NRXN3: variants seen among roughly 807,000 people sequenced by gnomAD.
NRXN3 encodes neurexin 3, also known as neurexin III.
In NRXN3, 32 loss-of-function variants were observed where a neutral mutation model predicts 137.6. The ratio of observed to expected loss-of-function variants is 0.23; its 90% CI spans 0.18 to 0.31. NRXN3 has a LOEUF of 0.31. Among genes scored for constraint, NRXN3 ranks in the 10% least tolerant of loss-of-function variants. The pLI, the probability that NRXN3 is intolerant of heterozygous loss-of-function variation, is 1.00. For synonymous variants in NRXN3, 798 were observed against 784.5 expected (o/e 1.02, Z -0.29); for missense variants, 1,574 against 2,062.5 (o/e 0.76, Z 4.59).
intron 4 of NRXN3, among the ~76,000 whole-genome samples, chr14:78,405,712 C>T (rs1446155310): frequency 6.6e-6 from 1 of 152,062 alleles, no homozygotes. Flanking sequence ...CTTGCTGGGT[C>T]GACCTGGCTC....
chr14:79,360,316 A>G (rs2093638640), intron 15 of NRXN3, among the ~76,000 whole-genome samples: 2 of 152,202 alleles, frequency 1.3e-5, no homozygotes, highest in Admixed American at 6.5e-5. Flanking sequence ...GAGAGTTAGT[A>G]GTGGTCTTGA....
At chr14:78,282,309 A>G in intron 3 of NRXN3, 1 of 390,180 alleles carries the variant, frequency 2.6e-6, no homozygotes, top group East Asian at 7.4e-5. Flanking sequence ...GGAAGAGGGA[A>G]GAGTAGTGGG....
chr14:78,645,572 T>C (rs1380383569), intron 5 of NRXN3, 151 bp downstream of exon 5: 1 of 576,368 alleles, frequency 1.7e-6, no homozygotes, highest in Admixed American at 3.5e-5. Flanking sequence ...CTTTGCAATT[T>C]CACGTGGAAA....
Position 79,555,659 on chromosome 14 carries a change from G to A in NRXN3, c.3444+88257G>A, listed in dbSNP as rs565625774. 1.1e-4 allele frequency among the ~76,000 whole-genome samples: 16 copies of A among 152,278 alleles called. 2 individuals are homozygous for A. The East Asian group carries it at 3.1e-3, about 29-fold the overall frequency. ...TGAGCTGGGTGGTGAAGGATGTGTA[G>A]GAGTTTGTCAGATAAGGAGATGAAA... On this transcript the variant is annotated intron_variant, in intron 16 of 20. Transcript: ENST00000335750.
chr14:78,655,158 A>G (rs917041629), intron 6 of NRXN3, among the ~76,000 whole-genome samples: 3 of 152,186 alleles, frequency 2.0e-5, no homozygotes, highest in Admixed American at 2.0e-4. Flanking sequence ...TGGCTATATA[A>G]TAAGACCACT....
At chr14:79,668,919 A>G (rs2098588457) in intron 17 of NRXN3, among the ~76,000 whole-genome samples, 1 of 152,086 alleles carries the variant, frequency 6.6e-6, no homozygotes, top group Non-Finnish European at 1.5e-5. Context: ...ATACATCGGT[A>G]TAAGAAAGAT....
chr14:78,968,051 C>A (rs1173207291), intron 13 of NRXN3, 122 bp from the exon 14 acceptor site: 11 of 8,638 alleles, frequency 1.3e-3, no homozygotes, highest in Non-Finnish European at 2.6e-3. Flanking sequence ...TATGCTGTCC[C>A]CCCCCCCCCC....
chr14:78,627,216 T>G (rs1442670427), intron 4 of NRXN3, among the ~76,000 whole-genome samples: 3 of 151,846 alleles, frequency 2.0e-5, no homozygotes, highest in Non-Finnish European at 2.9e-5. Flanking sequence ...CTGTTTTTAA[T>G]TGTTTCAGTG....
At position 78,797,168 on chromosome 14, in the gene NRXN3, G is replaced by A. The variant is rs78951576; in HGVS notation, c.2045-6452G>A. Among the ~76,000 whole-genome samples the A allele has an allele frequency of 4.0e-3, 602 of 152,222 alleles. 4 individuals are homozygous for A. Among genetic ancestry groups the A allele is most frequent in the African/African-American group, 0.014 (566 of 41,526 alleles). On this transcript the variant is annotated intron_variant, in intron 8 of 20. Coordinates refer to ENST00000335750, the MANE Select transcript of NRXN3 (RefSeq NM_001330195.2). The stretch of plus-strand genomic sequence containing the variant: ...CTTTCTGAGGGGGGAGACGAGAGCC[G>A]TCTGCCGAAAATATACAAGTCTCAG...
At chr14:79,246,407 T>C (rs79734194) in intron 15 of NRXN3, among the ~76,000 whole-genome samples, 5,206 of 152,214 alleles carry the variant, frequency 0.034, 239 homozygotes, top group African/African-American at 0.11. Flanking sequence ...TTGGTACAAA[T>C]TGTGGTGGCA....
At chr14:79,264,343 C>T (rs1400801943) in intron 15 of NRXN3, among the ~76,000 whole-genome samples, 1 of 152,188 alleles carries the variant, frequency 6.6e-6, no homozygotes, top group Admixed American at 6.5e-5. Context: ...CCTGCCTTGG[C>T]CTCCCAGAGT....
rs558458840 is a variant in NRXN3 at position 79,475,907 on chromosome 14, T to C, written c.3444+8505T>C. ...TCAAGCTAGCTGAATAAGTTCTGAATAGCAGAAGCTTTTTAGATATATGAA... is the reference window on the plus strand; with the variant it reads ...TCAAGCTAGCTGAATAAGTTCTGAACAGCAGAAGCTTTTTAGATATATGAA... On this transcript the variant is annotated intron_variant, in intron 16 of 20. Transcript: ENST00000335750. Among the ~76,000 whole-genome samples, 6 of 152,236 alleles carry C rather than the reference T, an allele frequency of 3.9e-5. No individual in the cohort carries two copies. The South Asian group carries it at 1.0e-3, about 26-fold the overall frequency.
At chr14:78,617,095 T>G (rs927623640) in intron 4 of NRXN3, among the ~76,000 whole-genome samples, 1 of 152,196 alleles carries the variant, frequency 6.6e-6, no homozygotes, top group Admixed American at 6.5e-5. Context: ...AGGAAGCAGC[T>G]TGGTTAAAAA....
intron 15 of NRXN3, among the ~76,000 whole-genome samples, chr14:79,284,490 C>T (rs1051277378): frequency 1.3e-5 from 2 of 151,170 alleles, no homozygotes; most frequent in Non-Finnish European, 2.9e-5. Flanking sequence ...ATGCTATTCT[C>T]TATAAAACAG....
At chr14:79,513,171 C>T (rs1222456148) in intron 16 of NRXN3, among the ~76,000 whole-genome samples, 1 of 152,174 alleles carries the variant, frequency 6.6e-6, no homozygotes, top group African/African-American at 2.4e-5. Context: ...TGTTTTTTCT[C>T]AGGTGTTCAA....
intron 20 of NRXN3, among the ~76,000 whole-genome samples, chr14:79,860,119 C>T (rs1050726291): frequency 6.6e-6 from 1 of 152,114 alleles, no homozygotes; most frequent in African/African-American, 2.4e-5. Flanking sequence ...CTTTCTTTCC[C>T]AACTTAGTCT....
intron 20 of NRXN3, among the ~76,000 whole-genome samples, chr14:79,814,656 C>G (rs1204887906): frequency 6.6e-6 from 1 of 152,084 alleles, no homozygotes; most frequent in Non-Finnish European, 1.5e-5. Flanking sequence ...GATCTTATTT[C>G]CAAAGAGTTT....
chr14:78,578,962 A>C (rs2096964371), intron 4 of NRXN3, among the ~76,000 whole-genome samples: 1 of 152,062 alleles, frequency 6.6e-6, no homozygotes, highest in Non-Finnish European at 1.5e-5. Flanking sequence ...AAAAGAAAAA[A>C]AAAAAGGCTG....
chr14:78,711,363 A>G (rs1306601046), intron 7 of NRXN3, among the ~76,000 whole-genome samples: 1 of 151,910 alleles, frequency 6.6e-6, no homozygotes, highest in Admixed American at 6.6e-5. Context: ...CCCAACTTCA[A>G]CAAATATGTT....
Sources: allele counts gnomAD v4.1 joint callset (sites outside exome capture counted in the v4.1 genomes callset), GRCh38; gene constraint gnomAD v4.1.1; transcripts MANE v1.5; gene names NCBI Gene and HGNC (gene_info 2026-07-23, HGNC 2026-07-21).